The following CTNNA3 variants were observed in gnomAD, a reference collection of about 807,000 sequenced individuals.
The protein encoded by CTNNA3 is catenin alpha-3.
CTNNA3 carries 76 observed loss-of-function variants against 95.7 expected under a neutral mutation model. The ratio of observed to expected loss-of-function variants is 0.79; its 90% CI spans 0.66 to 0.96. CTNNA3 has a LOEUF of 0.96. Ranked by LOEUF, CTNNA3 falls within the 40% of genes least tolerant of loss-of-function variation. CTNNA3 has a pLI of 0.00. For synonymous variants in CTNNA3, 431 were observed against 374.4 expected (o/e 1.15, Z -1.74); for missense variants, 1,191 against 1,089.8 (o/e 1.09, Z -1.31).
At chr10:66,437,286 C>A (rs908931927) in intron 11 of CTNNA3, among the ~76,000 whole-genome samples, 9 of 152,104 alleles carry the variant, frequency 5.9e-5, no homozygotes, top group Non-Finnish European at 1.2e-4. Context: ...AGCGTGTTTT[C>A]CAACTTGGTT....
intron 7 of CTNNA3, among the ~76,000 whole-genome samples, chr10:66,824,805 G>A (rs1394458042): frequency 6.6e-6 from 1 of 152,130 alleles, no homozygotes; most frequent in Non-Finnish European, 1.5e-5. Flanking sequence ...AACCTAAGGA[G>A]ACGTGGTGAC....
chr10:66,926,811 GTTAT>G (rs954136411), intron 7 of CTNNA3: 135 of 1,028,730 alleles, frequency 1.3e-4, no homozygotes, highest in Middle Eastern at 2.9e-4. Flanking sequence ...GATGTTAAGT[GTTAT>G]TTAGATTTAA....
rs117668072 is a variant in CTNNA3, at chr10:66,942,403, A to C, written c.1048-166879T>G. ...GCTCTATTAAGTATTCTTCTGTAAC[A>C]ATGTTGTTCAGCAACACAACAGAAA... On this transcript the variant is annotated intron_variant, in intron 7 of 17. Coordinates refer to ENST00000433211, the MANE Select transcript of CTNNA3 (RefSeq NM_013266.4). Among the ~76,000 whole-genome samples, 412 of 152,286 alleles carry C rather than the reference A, an allele frequency of 2.7e-3. 13 individuals carry two copies. The highest frequency in any genetic ancestry group is 0.024 in the Admixed American group (369 of 15,290).
chr10:67,309,916 T>C (rs1364097386), intron 5 of CTNNA3, among the ~76,000 whole-genome samples: 1 of 152,068 alleles, frequency 6.6e-6, no homozygotes, highest in African/African-American at 2.4e-5. Flanking sequence ...GTATCCTTCC[T>C]TTAAAAAAAA....
chr10:67,037,990 G>A (rs755108695), intron 7 of CTNNA3, among the ~76,000 whole-genome samples: 9 of 151,928 alleles, frequency 5.9e-5, no homozygotes, highest in Non-Finnish European at 1.0e-4. Context: ...TGAATAAACA[G>A]AAAAAAATTC....
At chr10:67,590,832 T>C (rs1842767678) in intron 3 of CTNNA3, among the ~76,000 whole-genome samples, 1 of 152,108 alleles carries the variant, frequency 6.6e-6, no homozygotes, top group African/African-American at 2.4e-5. Flanking sequence ...CATTTTCTTT[T>C]AAAAATTTTT....
chr10:67,376,695 G>GTA (rs938165484), intron 5 of CTNNA3, among the ~76,000 whole-genome samples: 39 of 152,192 alleles, frequency 2.6e-4, no homozygotes, highest in African/African-American at 7.7e-4. Context: ...AGTAAGCCAA[G>GTA]TATCCCTCTT....
upstream of CTNNA3, among the ~76,000 whole-genome samples, chr10:67,700,759 G>C (rs1329547336): frequency 1.3e-5 from 2 of 152,212 alleles, no homozygotes; most frequent in African/African-American, 4.8e-5. Context: ...ACCAGCAACG[G>C]AACAAAGCTG....
intron 7 of CTNNA3, among the ~76,000 whole-genome samples, chr10:67,031,221 C>A (rs1012211890): frequency 2.6e-4 from 39 of 152,082 alleles, no homozygotes; most frequent in African/African-American, 8.4e-4. Flanking sequence ...CTATATATAA[C>A]AATACATTTG....
intron 5 of CTNNA3, among the ~76,000 whole-genome samples, chr10:67,355,980 C>G (rs1392658980): frequency 1.3e-5 from 2 of 151,968 alleles, no homozygotes; most frequent in African/African-American, 4.8e-5. Context: ...CCACAACACT[C>G]ATAGCCTTAC....
Position 67,575,078 on chromosome 10 carries a change from G to A in CTNNA3, c.292+31779C>T, listed in dbSNP as rs147004556. The stretch of plus-strand genomic sequence containing the variant: ...AAGGACCCAATGTCACAACCCCTGG[G>A]CCACTCAGAGGGGAATGATTTATGA... On this transcript the variant is annotated intron_variant, in intron 3 of 17. Coordinates refer to ENST00000433211, the MANE Select transcript of CTNNA3 (RefSeq NM_013266.4). Among the ~76,000 whole-genome samples the A allele has an allele frequency of 3.7e-3, 561 of 152,234 alleles. 2 individuals are homozygous for A. The highest frequency in any genetic ancestry group is 0.031 in the Middle Eastern group (9 of 294).
intron 7 of CTNNA3, among the ~76,000 whole-genome samples, chr10:66,830,426 A>C (rs1490962257): frequency 6.9e-6 from 1 of 144,750 alleles, no homozygotes; most frequent in Non-Finnish European, 1.6e-5. Context: ...AATTGAAAGA[A>C]GTACCGACAG....
In CTNNA3 at chr10:66,275,782, C is replaced by T. The variant is rs193140381; in HGVS notation, c.1884+4688G>A. ...AAACTTCAAATAGCCAGAAGCTCAG[C>T]CTGGAAGACACATAAAGAAAAGATG... is the stretch of plus-strand genomic sequence containing the variant. On this transcript the variant is annotated intron_variant, in intron 13 of 17. Coordinates refer to ENST00000433211, the MANE Select transcript of CTNNA3 (RefSeq NM_013266.4). Among the ~76,000 whole-genome samples the T allele has an allele frequency of 9.9e-5, 15 of 151,778 alleles. No individual in the cohort carries two copies. The East Asian group carries it at 2.9e-3, about 30-fold the overall frequency.
intron 7 of CTNNA3, among the ~76,000 whole-genome samples, chr10:66,856,017 A>G (rs1484472436): frequency 6.6e-6 from 1 of 151,964 alleles, no homozygotes; most frequent in Non-Finnish European, 1.5e-5. Context: ...TGGTGTACAG[A>G]TCATTTTGTC....
intron 5 of CTNNA3, among the ~76,000 whole-genome samples, chr10:67,350,799 A>C (rs1286623290): frequency 6.6e-6 from 1 of 151,408 alleles, no homozygotes; most frequent in African/African-American, 2.4e-5. Context: ...GTTTCTTATA[A>C]AGTTAAACAT....
intron 12 of CTNNA3, among the ~76,000 whole-genome samples, chr10:66,354,316 A>G (rs971365041): frequency 3.7e-5 from 5 of 136,716 alleles, no homozygotes; most frequent in Non-Finnish European, 6.2e-5. Context: ...ATGAACACTA[A>G]AAAAAAAAAT....
At chr10:66,677,517 A>T (rs868341931) in intron 9 of CTNNA3, among the ~76,000 whole-genome samples, 2 of 152,218 alleles carry the variant, frequency 1.3e-5, no homozygotes, top group South Asian at 2.1e-4. Flanking sequence ...AGCACCCATA[A>T]TTCCCACATG....
intron 1 of CTNNA3, among the ~76,000 whole-genome samples, chr10:67,670,783 TCTG>T (rs1840415879): frequency 6.6e-6 from 1 of 152,210 alleles, no homozygotes; most frequent in African/African-American, 2.4e-5. Flanking sequence ...CATTCCCCTC[TCTG>T]CTTCTTATGG....
intron 9 of CTNNA3, among the ~76,000 whole-genome samples, chr10:66,738,389 T>C (rs892391961): frequency 7.9e-5 from 12 of 152,200 alleles, no homozygotes; most frequent in Non-Finnish European, 1.8e-4. Context: ...TTTCTAATTT[T>C]CCTTCTCATC....
Sources: allele counts gnomAD v4.1 joint callset (sites outside exome capture counted in the v4.1 genomes callset), GRCh38; gene constraint gnomAD v4.1.1; transcripts MANE v1.5; gene names NCBI Gene and HGNC (gene_info 2026-07-23, HGNC 2026-07-21).